Variants in MSRB3 observed in about 807,000 individuals in gnomAD.
The protein encoded by MSRB3 is methionine sulfoxide reductase B3, also known as methionine-R-sulfoxide reductase B3.
In MSRB3, 13 loss-of-function variants were observed where a neutral mutation model predicts 21.0. The ratio of observed to expected loss-of-function variants is 0.62; its 90% confidence interval spans 0.40 to 0.98. The LOEUF (loss-of-function observed/expected upper bound fraction) is 0.98, where lower values mean the gene tolerates loss of function less well. Ranked by LOEUF, MSRB3 falls within the 50% of genes least tolerant of loss-of-function variation. The pLI is 0.00. For synonymous variants in MSRB3, 87 were observed against 88.6 expected (o/e 0.98, Z 0.10); for missense variants, 199 against 230.3 (o/e 0.86, Z 0.88).
intron 5 of MSRB3, among the ~76,000 whole-genome samples, chr12:65,432,358 G>T (rs1219597606): frequency 6.6e-6 from 1 of 151,960 alleles, no homozygotes; most frequent in Non-Finnish European, 1.5e-5. Flanking sequence ...TCTGGCACAG[G>T]ACTGTTTTGT....
At chr12:65,453,065 T>C (rs977579165) in intron 5 of MSRB3, among the ~76,000 whole-genome samples, 3 of 152,182 alleles carry the variant, frequency 2.0e-5, no homozygotes, top group African/African-American at 7.2e-5. Context: ...TAAATAAAAC[T>C]TTGAACTAGA....
intron 2 of MSRB3, among the ~76,000 whole-genome samples, chr12:65,317,619 CT>C (rs1874384054): frequency 1.3e-5 from 2 of 152,040 alleles, no homozygotes; most frequent in African/African-American, 4.8e-5. Flanking sequence ...ATCAGGTAAT[CT>C]TATAGTCTTA....
At chr12:65,430,898 C>T (rs1881845248) in intron 5 of MSRB3, among the ~76,000 whole-genome samples, 1 of 152,062 alleles carries the variant, frequency 6.6e-6, no homozygotes, top group South Asian at 2.1e-4. Flanking sequence ...ACAGGCAAGT[C>T]TGGTGCCCTT....
chr12:65,324,387 A>C (rs1055031742), intron 2 of MSRB3, among the ~76,000 whole-genome samples: 11 of 152,222 alleles, frequency 7.2e-5, no homozygotes, highest in African/African-American at 2.7e-4. Flanking sequence ...CATTAAAACG[A>C]GGTCTCTGTA....
intron 5 of MSRB3, among the ~76,000 whole-genome samples, chr12:65,425,678 C>A (rs1007924445): frequency 6.6e-6 from 1 of 152,066 alleles, no homozygotes; most frequent in African/African-American, 2.4e-5. Context: ...TTTGCTGTTA[C>A]AGTTTACATC....
intron 5 of MSRB3, among the ~76,000 whole-genome samples, chr12:65,450,431 G>T (rs1372465076): frequency 6.6e-6 from 1 of 152,026 alleles, no homozygotes; most frequent in Non-Finnish European, 1.5e-5. Context: ...ATAATAATAG[G>T]CTAATATCTA....
At chr12:65,294,335 A>T (rs751224295) in intron 1 of MSRB3, among the ~76,000 whole-genome samples, 1 of 152,210 alleles carries the variant, frequency 6.6e-6, no homozygotes, top group East Asian at 1.9e-4. Flanking sequence ...AATCTCACTA[A>T]CTTGCAGTAA....
chr12:65,348,243 A>G (rs531090975), intron 4 of MSRB3, among the ~76,000 whole-genome samples: 1 of 152,286 alleles, frequency 6.6e-6, no homozygotes, highest in African/African-American at 2.4e-5. Flanking sequence ...TAAGCTATTA[A>G]TTATTGCCTC....
intron 1 of MSRB3, among the ~76,000 whole-genome samples, chr12:65,302,972 C>T (rs539436212): frequency 1.3e-5 from 2 of 151,974 alleles, no homozygotes; most frequent in Non-Finnish European, 2.9e-5. Flanking sequence ...TTGTTGGTGT[C>T]AACATAATCT....
At chr12:65,445,356 T>C (rs1024852464) in intron 5 of MSRB3, among the ~76,000 whole-genome samples, 1 of 150,880 alleles carries the variant, frequency 6.6e-6, no homozygotes, top group East Asian at 1.9e-4. Context: ...TTTTCTAAAA[T>C]ACAAATTTGA....
intron 1 of MSRB3, among the ~76,000 whole-genome samples, chr12:65,279,918 T>G (rs1048426387): frequency 6.6e-6 from 1 of 152,214 alleles, no homozygotes; most frequent in Non-Finnish European, 1.5e-5. Flanking sequence ...TGAGATTTCT[T>G]AGGAGATTTT....
chr12:65,362,527 G>A (rs903700965), intron 4 of MSRB3, among the ~76,000 whole-genome samples: 4 of 152,118 alleles, frequency 2.6e-5, no homozygotes, highest in African/African-American at 4.8e-5. Context: ...TTTTAAGACA[G>A]GCTATTAGGT....
intron 6 of MSRB3, among the ~76,000 whole-genome samples, chr12:65,456,175 C>T (rs969345944): frequency 3.3e-5 from 5 of 152,096 alleles, no homozygotes; most frequent in African/African-American, 4.8e-5. Context: ...TAAGACTAAT[C>T]GTTGTTTCTT....
chr12:65,452,397 C>G (rs1485230992), intron 5 of MSRB3, among the ~76,000 whole-genome samples: 1 of 152,124 alleles, frequency 6.6e-6, no homozygotes, highest in Non-Finnish European at 1.5e-5. Context: ...CTAAATGTGT[C>G]AAGTAACCAT....
At chr12:65,348,977 A>G (rs1174022060) in intron 4 of MSRB3, among the ~76,000 whole-genome samples, 1 of 151,226 alleles carries the variant, frequency 6.6e-6, no homozygotes, top group Non-Finnish European at 1.5e-5. Context: ...TTACATATGT[A>G]TACATGTGCC....
At chr12:65,309,902 A>G (rs1873887047) in intron 2 of MSRB3, among the ~76,000 whole-genome samples, 1 of 152,214 alleles carries the variant, frequency 6.6e-6, no homozygotes, top group South Asian at 2.1e-4. Context: ...AAGGAAAGGT[A>G]GCCAAATCAT....
chr12:65,376,267 C>T (rs1167256187), intron 5 of MSRB3, among the ~76,000 whole-genome samples: 2 of 151,972 alleles, frequency 1.3e-5, no homozygotes, highest in Non-Finnish European at 2.9e-5. Context: ...CTACAGGCGC[C>T]CACCACTGCG....
At chr12:65,287,541 G>T (rs764076980) in intron 1 of MSRB3, among the ~76,000 whole-genome samples, 2 of 152,150 alleles carry the variant, frequency 1.3e-5, no homozygotes, top group Non-Finnish European at 2.9e-5. Flanking sequence ...TAGATTAGTG[G>T]TGTGTAGCTA....
intron 5 of MSRB3, among the ~76,000 whole-genome samples, chr12:65,420,796 A>G (rs759140079): frequency 6.6e-6 from 1 of 152,268 alleles, no homozygotes. Flanking sequence ...TGCATATGAC[A>G]TGGTCTTGTT....
Sources: allele counts gnomAD v4.1 joint callset (sites outside exome capture counted in the v4.1 genomes callset), GRCh38; gene constraint gnomAD v4.1.1; transcripts MANE v1.5; gene names NCBI Gene and HGNC (gene_info 2026-07-23, HGNC 2026-07-21).